KCNQ1: variants seen among roughly 807,000 people sequenced by gnomAD.
KCNQ1 encodes potassium voltage-gated channel subfamily KQT member 1.
In KCNQ1, 49 loss-of-function variants were observed where a neutral mutation model predicts 72.4. The ratio of observed to expected loss-of-function variants is 0.68; its 90% CI spans 0.54 to 0.86. The LOEUF (loss-of-function observed/expected upper bound fraction) is 0.86, where lower values mean the gene tolerates loss of function less well. Ranked by LOEUF, KCNQ1 falls within the 40% of genes least tolerant of loss-of-function variation. KCNQ1 has a pLI of 0.00. For missense variants in KCNQ1, 790 were observed against 945.1 expected (o/e 0.84, Z 2.15); for synonymous variants, 450 against 412.6 (o/e 1.09, Z -1.10).
chr11:2,721,007 C>T (rs766575889), intron 11 of KCNQ1, among the ~76,000 whole-genome samples: 26 of 152,080 alleles, frequency 1.7e-4, no homozygotes, highest in Non-Finnish European at 2.8e-4. Flanking sequence ...GAGCCATGGA[C>T]GGTCCCTGGA....
chr11:2,490,570 T>C (rs1080017), intron 1 of KCNQ1, among the ~76,000 whole-genome samples: 80,772 of 152,164 alleles, frequency 0.53, 22,807 homozygotes, highest in Non-Finnish European at 0.63. Context: ...TCAGGTGGCT[T>C]AGCATAGAGA....
In KCNQ1 at chr11:2,563,331, C is replaced by T. The variant is rs767480263; in HGVS notation, c.478-7297C>T. Among the ~76,000 whole-genome samples the T allele has an allele frequency of 2.6e-4, 40 of 152,324 alleles. No homozygotes were observed. In the South Asian group the frequency reaches 3.9e-3, roughly 15 times the overall value. ...TTTGAGCCAAAGTGCGACCTTTCCC[C>T]GCTCTGTTCACTCGGAGACTAAAAA... On this transcript the variant is annotated intron_variant, in intron 2 of 15. Coordinates refer to ENST00000155840, the MANE Select transcript of KCNQ1 (RefSeq NM_000218.3). The surrounding 1 kb of genome is among the most constrained non-coding windows in gnomAD (Gnocchi z 7.4).
chr11:2,833,169 C>T (rs548282566), intron 15 of KCNQ1, among the ~76,000 whole-genome samples: 29 of 152,230 alleles, frequency 1.9e-4, no homozygotes, highest in African/African-American at 5.8e-4. Flanking sequence ...CCTCTGGAGT[C>T]GAGGCAATTA....
chr11:2,596,427 G>A (rs1047321850), intron 10 of KCNQ1, among the ~76,000 whole-genome samples: 2 of 152,104 alleles, frequency 1.3e-5, no homozygotes, highest in South Asian at 2.1e-4. Flanking sequence ...ACCCCAAACT[G>A]GAAGCAACCC....
chr11:2,800,421 G>A (rs1406153351), intron 15 of KCNQ1, among the ~76,000 whole-genome samples: 4 of 152,236 alleles, frequency 2.6e-5, no homozygotes, highest in Non-Finnish European at 4.4e-5. Flanking sequence ...CCCAGCCCCT[G>A]CCAGCTTTGT....
chr11:2,714,314 C>T (rs1294220187), intron 11 of KCNQ1, among the ~76,000 whole-genome samples: 6 of 152,238 alleles, frequency 3.9e-5, no homozygotes, highest in East Asian at 1.9e-4. Flanking sequence ...CTCCCAGGCC[C>T]GTGAGAGGCA....
At chr11:2,644,703 G>A in intron 10 of KCNQ1, 1 of 398,564 alleles carries the variant, frequency 2.5e-6, no homozygotes, top group East Asian at 3.6e-5. Context: ...TCTTTCCTAA[G>A]AGAGTCTTGT....
In KCNQ1 at chr11:2,784,287, A is replaced by C. The variant is rs1199029517; in HGVS notation, c.1794+6250A>C. Among the ~76,000 whole-genome samples, 11 of 151,898 alleles carry C rather than the reference A, an allele frequency of 7.2e-5. No homozygotes were observed. Among genetic ancestry groups the C allele is most frequent in the Non-Finnish European group, 7.4e-5 (5 of 67,812 alleles). Reference sequence around the variant, plus strand: ...ACCCCATTTCCTCCTTTGAATTATCATGGCTTCTTGGTCAAAAATCAATTG... The same window carrying C: ...ACCCCATTTCCTCCTTTGAATTATCCTGGCTTCTTGGTCAAAAATCAATTG... On this transcript the variant is annotated intron_variant, in intron 15 of 15. Transcript: ENST00000155840. The surrounding 1 kb of genome is among the most constrained non-coding windows in gnomAD (Gnocchi z 4.7).
chr11:2,838,254 C>CAAACT (rs1485678884), intron 15 of KCNQ1, among the ~76,000 whole-genome samples: 1 of 152,208 alleles, frequency 6.6e-6, no homozygotes, highest in Non-Finnish European at 1.5e-5. Flanking sequence ...GGACAGGTGC[C>CAAACT]AAACTATCCA....
At chr11:2,728,128 A>G (rs1413003587) in intron 11 of KCNQ1, among the ~76,000 whole-genome samples, 2 of 151,878 alleles carry the variant, frequency 1.3e-5, no homozygotes, top group Non-Finnish European at 2.9e-5. Flanking sequence ...CCTTTGCACA[A>G]ATCCCTTCCA....
At chr11:2,692,370 T>G (rs905953533) in intron 11 of KCNQ1, 39 of 398,808 alleles carry the variant, frequency 9.8e-5, no homozygotes, top group Non-Finnish European at 1.4e-4. Context: ...TAACTGGCAT[T>G]CTCACATCCC....
intron 11 of KCNQ1, among the ~76,000 whole-genome samples, chr11:2,718,873 G>T (rs1305253065): frequency 6.6e-6 from 1 of 152,210 alleles, no homozygotes; most frequent in Non-Finnish European, 1.5e-5. Context: ...GGCCTGTAAG[G>T]GCCTTCATGT....
At chr11:2,837,525 C>T (rs1296012972) in intron 15 of KCNQ1, among the ~76,000 whole-genome samples, 1 of 152,246 alleles carries the variant, frequency 6.6e-6, no homozygotes, top group Non-Finnish European at 1.5e-5. Context: ...AGCAAGAGGC[C>T]ATTGAACTGT....
intron 1 of KCNQ1, among the ~76,000 whole-genome samples, chr11:2,489,142 C>T (rs2133623663): frequency 6.6e-6 from 1 of 152,278 alleles, no homozygotes; most frequent in South Asian, 2.1e-4. Flanking sequence ...CTGGAAGAGG[C>T]ACTGAAGAGG....
At chr11:2,580,613 C>A (rs1406563012) in intron 6 of KCNQ1, among the ~76,000 whole-genome samples, 1 of 152,198 alleles carries the variant, frequency 6.6e-6, no homozygotes, top group Non-Finnish European at 1.5e-5. Flanking sequence ...TAGTGCCCCC[C>A]AGCCACAGAG....
In KCNQ1 at chr11:2,674,231, G is replaced by A. The variant is rs1590023418; in HGVS notation, c.1514+12150G>A. 5.0e-6 allele frequency: 2 copies of A among 398,752 alleles called. No homozygotes were observed. Among genetic ancestry groups the A allele is most frequent in the Non-Finnish European group, 4.4e-6 (1 of 226,180 alleles). The allele number at this position is 398,752 out of a possible 1,614,324, so 24.7% of individuals were successfully genotyped here. On this transcript the variant is annotated intron_variant, in intron 11 of 15. Transcript: ENST00000155840. This position sits in a 1 kb window ranked among gnomAD's most constrained non-coding sequence, Gnocchi z 5.9. Reference sequence around the variant, plus strand: ...GGTTTTTCTTGGGGCCCAGATAGATGTGAGCAGAGCTGGAGGCCCCTCTCT... The same window carrying A: ...GGTTTTTCTTGGGGCCCAGATAGATATGAGCAGAGCTGGAGGCCCCTCTCT...
At chr11:2,456,938 CAAAAAA>C (rs58543586) in intron 1 of KCNQ1, among the ~76,000 whole-genome samples, 7 of 52,072 alleles carry the variant, frequency 1.3e-4, no homozygotes, top group African/African-American at 3.5e-4. Context: ...GACTCGGTCT[CAAAAAA>C]AAAAAAAAAA....
At chr11:2,609,531 T>C (rs913845118) in intron 10 of KCNQ1, 1 of 398,354 alleles carries the variant, frequency 2.5e-6, no homozygotes, top group Admixed American at 4.4e-5. Context: ...TAATTACCTT[T>C]TGAGTCTAGT....
intron 6 of KCNQ1, among the ~76,000 whole-genome samples, chr11:2,577,747 C>G (rs1055405389): frequency 2.6e-5 from 4 of 152,174 alleles, no homozygotes; most frequent in Admixed American, 1.3e-4. Context: ...AGAGACAGGC[C>G]GGAGTCTCCA....
Sources: gnomAD v4.1 joint callset for allele counts (sites outside exome capture counted in the v4.1 genomes callset) on GRCh38, gnomAD v4.1.1 for gene constraint, Gnocchi (gnomAD v3.1) non-coding constraint, MANE v1.5 for transcripts, NCBI Gene and HGNC (gene_info 2026-07-23, HGNC 2026-07-21) for gene names.